The following GARRE1 variants were observed in gnomAD, a reference collection of about 807,000 sequenced individuals.
GARRE1 encodes granule associated Rac and RHOG effector protein 1.
A neutral mutation model predicts 103.2 loss-of-function variants in GARRE1; 49 were observed. That is an observed-to-expected ratio of 0.47 (90% CI 0.38 to 0.60). GARRE1 has a LOEUF of 0.60. GARRE1 is among the 20% of genes least tolerant of loss of function. The pLI, the probability that GARRE1 is intolerant of heterozygous loss-of-function variation, is 0.00. For synonymous variants in GARRE1, 505 were observed against 532.8 expected (o/e 0.95, Z 0.72); for missense variants, 1,199 against 1,370.5 (o/e 0.87, Z 1.98).
intron 1 of GARRE1, among the ~76,000 whole-genome samples, chr19:34,279,842 G>A (rs865919665): frequency 5.3e-5 from 8 of 151,466 alleles, no homozygotes; most frequent in African/African-American, 1.2e-4. Context: ...AAAATTAGCC[G>A]GGCGTAGTGG....
At chr19:34,301,975 G>A (rs28508132) in intron 2 of GARRE1, among the ~76,000 whole-genome samples, 3,890 of 125,678 alleles carry the variant, frequency 0.031, 192 homozygotes, top group African/African-American at 0.1. Flanking sequence ...GAGCCACTGC[G>A]CCCAGCCTTT....
At chr19:34,319,839 G>T in intron 2 of GARRE1, 68 bp from the exon 3 acceptor site, 1 of 1,406,918 alleles carries the variant, frequency 7.1e-7, no homozygotes, top group South Asian at 1.2e-5. Flanking sequence ...GTTGGTCATT[G>T]AAAATTTACT....
In GARRE1 at chr19:34,342,478, C is replaced by T. The variant is rs73926738; in HGVS notation, c.2521+23C>T. The T allele has an allele frequency of 7.6e-3, 12,095 of 1,582,388 alleles. 603 individuals are homozygous for T. The East Asian group carries it at 0.13, about 17-fold the overall frequency. ...CAGGTATGTGAGGCCTCCCATCCCTCGCCCAGTGTCAACAGCAAATGCAAC... is the reference window on the plus strand; with the variant it reads ...CAGGTATGTGAGGCCTCCCATCCCTTGCCCAGTGTCAACAGCAAATGCAAC... On this transcript the variant is annotated intron_variant, in intron 10 of 13. Coordinates refer to ENST00000299505, the MANE Select transcript of GARRE1 (RefSeq NM_014686.5).
At chr19:34,309,203 A>G (rs1260987438) in intron 2 of GARRE1, among the ~76,000 whole-genome samples, 1 of 152,202 alleles carries the variant, frequency 6.6e-6, no homozygotes, top group Non-Finnish European at 1.5e-5. Context: ...CAAATTCACA[A>G]TGTGGCATAT....
At chr19:34,351,624 G>C (rs1416179237) in intron 13 of GARRE1, 32 bp downstream of exon 13, 1 of 1,520,596 alleles carries the variant, frequency 6.6e-7, no homozygotes, top group Non-Finnish European at 9.1e-7. Context: ...GCACAGACTT[G>C]GGCTAGCTTC....
chr19:34,260,596 A>G (rs1311009866), intron 1 of GARRE1, among the ~76,000 whole-genome samples: 1 of 152,178 alleles, frequency 6.6e-6, no homozygotes, highest in African/African-American at 2.4e-5. Context: ...TTAGTTACAT[A>G]TGTATACATG....
chr19:34,328,598 CGTTTT>C (rs1211522713), intron 6 of GARRE1, among the ~76,000 whole-genome samples: 13 of 151,228 alleles, frequency 8.6e-5, no homozygotes, highest in East Asian at 1.9e-4. Context: ...AGCAAGTTTT[CGTTTT>C]GTTTTGTTTT....
intron 1 of GARRE1, among the ~76,000 whole-genome samples, chr19:34,264,690 G>A (rs1426822809): frequency 1.3e-5 from 2 of 152,168 alleles, no homozygotes; most frequent in African/African-American, 2.4e-5. Context: ...GAGCCACCAC[G>A]CCCGGCTGGC....
At chr19:34,256,508 A>C (rs1275684622) in intron 1 of GARRE1, among the ~76,000 whole-genome samples, 1 of 149,800 alleles carries the variant, frequency 6.7e-6, no homozygotes, top group East Asian at 2.0e-4. Flanking sequence ...CAACAGAGTG[A>C]GACTCCATCT....
intron 9 of GARRE1, among the ~76,000 whole-genome samples, chr19:34,340,549 G>A (rs967163225): frequency 2.6e-5 from 4 of 151,744 alleles, no homozygotes; most frequent in South Asian, 4.2e-4. Flanking sequence ...AGGCTGGAGT[G>A]TAGTGGTACA....
chr19:34,323,234 T>G (rs1034134914), intron 3 of GARRE1, among the ~76,000 whole-genome samples: 1 of 151,838 alleles, frequency 6.6e-6, no homozygotes, highest in Admixed American at 6.6e-5. Flanking sequence ...GGTTTCACTG[T>G]GTTAGCCAGG....
At chr19:34,346,170 G>A (rs1398117731) in intron 10 of GARRE1, among the ~76,000 whole-genome samples, 2 of 152,146 alleles carry the variant, frequency 1.3e-5, no homozygotes, top group East Asian at 3.9e-4. Context: ...GTTGATAATG[G>A]GATTGTGCCC....
chr19:34,321,223 ATTTTTTTTTTTTT>A (rs71165648), intron 3 of GARRE1, among the ~76,000 whole-genome samples: 1,852 of 77,394 alleles, frequency 0.024, 66 homozygotes, highest in African/African-American at 0.072. Context: ...AGCCCGGCTA[ATTTTTTTTTTTTT>A]TTTTTTTTTT....
At chr19:34,270,171 G>T (rs1228980948) in intron 1 of GARRE1, among the ~76,000 whole-genome samples, 1 of 152,246 alleles carries the variant, frequency 6.6e-6, no homozygotes, top group Non-Finnish European at 1.5e-5. Context: ...GGCGGCTCCT[G>T]GCTGGCTGCT....
chr19:34,307,816 T>TA (rs1251034533), intron 2 of GARRE1, among the ~76,000 whole-genome samples: 4,203 of 128,056 alleles, frequency 0.033, 163 homozygotes, highest in Admixed American at 0.088. Context: ...ATATATATAT[T>TA]TTTTTTTTTT....
chr19:34,335,177 A>G (rs2074155580), intron 8 of GARRE1, among the ~76,000 whole-genome samples: 1 of 152,258 alleles, frequency 6.6e-6, no homozygotes, highest in Non-Finnish European at 1.5e-5. Flanking sequence ...GTTGTTGAGT[A>G]GAGACTAAAT....
chr19:34,334,696 C>A (rs373223913), intron 8 of GARRE1, among the ~76,000 whole-genome samples: 103 of 117,402 alleles, frequency 8.8e-4, no homozygotes, highest in South Asian at 1.4e-3. Context: ...AAAACTATCT[C>A]AAAAAAAAAA....
intron 9 of GARRE1, among the ~76,000 whole-genome samples, chr19:34,341,030 C>G (rs1040385244): frequency 6.6e-6 from 1 of 152,202 alleles, no homozygotes; most frequent in Non-Finnish European, 1.5e-5. Flanking sequence ...CTGCATCCCC[C>G]CACCACCTCC....
At chr19:34,295,462 A>G (rs1465690103) in intron 1 of GARRE1, among the ~76,000 whole-genome samples, 2 of 150,182 alleles carry the variant, frequency 1.3e-5, no homozygotes, top group African/African-American at 4.9e-5. Flanking sequence ...TTTTGATGAT[A>G]CTCTTTCCCT....
Sources: gnomAD v4.1 joint callset for allele counts (sites outside exome capture counted in the v4.1 genomes callset) on GRCh38, gnomAD v4.1.1 for gene constraint, MANE v1.5 for transcripts, NCBI Gene and HGNC (gene_info 2026-07-23, HGNC 2026-07-21) for gene names.